IFRD1: variants seen among roughly 807,000 people sequenced by gnomAD.
The protein encoded by IFRD1 is interferon related developmental regulator 1, also known as interferon-related developmental regulator 1.
A neutral mutation model predicts 52.9 loss-of-function variants in IFRD1; 35 were observed. The ratio of observed to expected loss-of-function variants is 0.66; its 90% CI spans 0.51 to 0.88. The LOEUF (loss-of-function observed/expected upper bound fraction) is 0.88. IFRD1 is among the 40% of genes least tolerant of loss of function. The probability of loss-of-function intolerance (pLI) is 0.00; values close to 1 mark genes in which losing one functional copy is unlikely to be tolerated. For missense variants in IFRD1, 517 were observed against 550.8 expected (o/e 0.94, Z 0.61); for synonymous variants, 184 against 188.4 (o/e 0.98, Z 0.19).
intron 1 of IFRD1, among the ~76,000 whole-genome samples, chr7:112,425,846 TC>T (rs1194530043): frequency 6.6e-6 from 1 of 152,246 alleles, no homozygotes; most frequent in Non-Finnish European, 1.5e-5. Flanking sequence ...TTTAGTTCTT[TC>T]TTGTCATCAT....
intron 9 of IFRD1, among the ~76,000 whole-genome samples, chr7:112,471,795 C>T (rs1466227896): frequency 6.6e-6 from 1 of 151,704 alleles, no homozygotes; most frequent in Non-Finnish European, 1.5e-5. Context: ...ACCCTATTTA[C>T]CCTCACTTCC....
At chr7:112,437,066 A>C (rs1469429234) in intron 1 of IFRD1, 2 of 153,766 alleles carry the variant, frequency 1.3e-5, no homozygotes, top group Non-Finnish European at 2.9e-5. Flanking sequence ...TCCTCTCACC[A>C]CAGCCTCCCA....
In IFRD1 at chr7:112,450,534, C is replaced by A; in HGVS notation, c.-155C>A. ...TCTTCACGGGGATTTCTGCTGCCGCCACCGCCCACTCTTACCCCCGCCGCT... is the reference window on the plus strand; with the variant it reads ...TCTTCACGGGGATTTCTGCTGCCGCAACCGCCCACTCTTACCCCCGCCGCT... On this transcript the variant is annotated 5_prime_UTR_variant, in exon 1 of 12. Transcript: ENST00000403825. 1.5e-6 allele frequency: 1 copy of A among 664,508 alleles called. No individual in the cohort carries two copies. The highest frequency in any genetic ancestry group is 2.8e-6 in the Non-Finnish European group (1 of 358,404). 41.2% of individuals were successfully genotyped at this position (664,508 alleles called of 1,614,324 possible).
chr7:112,450,900 G>A (rs1795143597), intron 1 of IFRD1, 118 bp downstream of exon 1: 2 of 768,442 alleles, frequency 2.6e-6, no homozygotes, highest in Non-Finnish European at 4.5e-6. Flanking sequence ...CATTTCCAGG[G>A]TGCGTGGTTT....
rs943294765 is a variant in IFRD1 at position 112,426,646 on chromosome 7, G to A, written c.-182+3214G>A. Among the ~76,000 whole-genome samples the A allele has an allele frequency of 1.1e-4, 17 of 152,100 alleles. 1 individual carries two copies. The highest frequency in any genetic ancestry group is 8.3e-4 in the South Asian group (4 of 4,812). ...AAGTTAACCTAAAAAATTAATTCAG[G>A]CCATGATGGGAAGTGGGATCCACAC... is the stretch of plus-strand genomic sequence containing the variant. On this transcript the variant is annotated intron_variant, in intron 1 of 12. Coordinates refer to the IFRD1 transcript ENST00000005558.
chr7:112,435,970 C>T (rs931312090), intron 1 of IFRD1, among the ~76,000 whole-genome samples: 9 of 151,606 alleles, frequency 5.9e-5, no homozygotes, highest in African/African-American at 1.5e-4. Context: ...GCAACCTCTG[C>T]CTCCTGGGTT....
rs1795879633 is a variant in IFRD1 at position 112,475,527 on chromosome 7, G to C, written c.*8G>C. ...GTTGGAGAATTCTTCTAGATTTTCA[G>C]AACTTGAAGACTATTTTCTAATTTC... is the stretch of plus-strand genomic sequence containing the variant. On this transcript the variant is annotated 3_prime_UTR_variant, in exon 12 of 12. Coordinates refer to ENST00000403825, the MANE Select transcript of IFRD1 (RefSeq NM_001550.4). The C allele has an allele frequency of 6.7e-7, 1 of 1,503,046 alleles. No homozygotes were observed. The highest frequency in any genetic ancestry group is 9.3e-7 in the Non-Finnish European group (1 of 1,080,846). The allele number at this position is 1,503,046 out of a possible 1,614,324, so 93.1% of individuals were successfully genotyped here.
intron 1 of IFRD1, among the ~76,000 whole-genome samples, chr7:112,443,810 C>T (rs139619150): frequency 0.013 from 1,860 of 148,244 alleles, 37 homozygotes; most frequent in African/African-American, 0.044. Flanking sequence ...TGCAGTGAAC[C>T]GAGATCGCAC....
rs1171744621 is a variant in IFRD1, at chr7:112,476,298, CA to C, written c.*782del. 6.6e-6 allele frequency: 1 copy of C among 152,166 alleles called. No homozygotes were observed. Among genetic ancestry groups the C allele is most frequent in the Non-Finnish European group, 1.5e-5 (1 of 68,034 alleles). 9.4% of individuals were successfully genotyped at this position (152,166 alleles called of 1,614,324 possible). A position where few individuals can be genotyped will look rare whatever the true frequency, so the allele number is the denominator to read the frequency against. On this transcript the variant is annotated 3_prime_UTR_variant, in exon 12 of 12. Transcript: ENST00000403825. ...AGACAAAGCTTTATGTGTATATTTA[CA>C]AACATTAAAGTAGATGAAAAGAATG...
chr7:112,452,030 T>G (rs1345305602), intron 1 of IFRD1: 5 of 981,056 alleles, frequency 5.1e-6, no homozygotes, highest in Non-Finnish European at 6.1e-6. Flanking sequence ...AAACAGCAAT[T>G]TTTTACATTT....
chr7:112,462,477 G>A, intron 8 of IFRD1, 99 bp downstream of exon 8: 2 of 807,668 alleles, frequency 2.5e-6, no homozygotes, highest in Non-Finnish European at 2.1e-6. Flanking sequence ...TTGGAACATG[G>A]CCAGCTTGAG....
At chr7:112,450,314 T>G (rs1795118798), upstream of IFRD1, 19 of 232,618 alleles carry the variant, frequency 8.2e-5, no homozygotes, top group East Asian at 1.4e-4. Flanking sequence ...CCGCATGGGA[T>G]TTGTAGGTAG....
chr7:112,448,361 G>A (rs1289036290), upstream of IFRD1, among the ~76,000 whole-genome samples: 2 of 152,218 alleles, frequency 1.3e-5, no homozygotes, highest in African/African-American at 2.4e-5. Flanking sequence ...CAAAGCACAC[G>A]TTTCCAGGGC....
chr7:112,432,628 T>C (rs1007625245), intron 1 of IFRD1, among the ~76,000 whole-genome samples: 4 of 152,128 alleles, frequency 2.6e-5, no homozygotes, highest in Non-Finnish European at 4.4e-5. Context: ...AGAGATTAAA[T>C]AACTTACCCA....
chr7:112,476,603 G>GCGA lies in IFRD1; in HGVS notation c.*1084_*1085insCGA, dbSNP rs1795909497. 1 of 152,114 alleles carries GCGA rather than the reference G, an allele frequency of 6.6e-6. No homozygotes were observed. The highest frequency in any genetic ancestry group is 2.4e-5 in the African/African-American group (1 of 41,408). 9.4% of individuals were successfully genotyped at this position (152,114 alleles called of 1,614,324 possible). A position where few individuals can be genotyped will look rare whatever the true frequency, so the allele number is the denominator to read the frequency against. On this transcript the variant is annotated 3_prime_UTR_variant, in exon 12 of 12. Transcript: ENST00000403825. The stretch of plus-strand genomic sequence containing the variant: ...CAGGAGGTCAAAGCTGCAGTGAGCC[G>GCGA]TGATTGTGCCACTCCAGCCTGGGTG...
At position 112,429,737 on chromosome 7, in the gene IFRD1, T is replaced by C. The variant is rs186583816; in HGVS notation, c.-182+6305T>C. On this transcript the variant is annotated intron_variant, in intron 1 of 12. Transcript: ENST00000005558. ...CAATTTCAATAAACAAGGCATATTC[T>C]TTTTTCTTTCGGGATAAGGCAGGCC... Among the ~76,000 whole-genome samples the C allele has an allele frequency of 1.1e-3, 160 of 152,342 alleles. 5 individuals carry two copies. In the South Asian group the frequency reaches 0.017, roughly 16 times the overall value.
At chr7:112,471,036 A>C (rs1426581301) in intron 9 of IFRD1, among the ~76,000 whole-genome samples, 1 of 152,198 alleles carries the variant, frequency 6.6e-6, no homozygotes, top group African/African-American at 2.4e-5. Context: ...GATAATAGGT[A>C]AGGATGCTGA....
chr7:112,451,047 G>C (rs1795149632), intron 1 of IFRD1: 1 of 494,448 alleles, frequency 2.0e-6, no homozygotes, highest in African/African-American at 2.0e-5. Flanking sequence ...AGTGTGTCGG[G>C]ACAGGGGCTG....
At chr7:112,445,070 T>C (rs1794986907) in intron 1 of IFRD1, among the ~76,000 whole-genome samples, 2 of 147,014 alleles carry the variant, frequency 1.4e-5, no homozygotes, top group African/African-American at 2.6e-5. Context: ...TTCTTTTTTT[T>C]TTTTTTTTTT....
Sources: gnomAD v4.1 joint callset for allele counts (sites outside exome capture counted in the v4.1 genomes callset) on GRCh38, gnomAD v4.1.1 for gene constraint, MANE v1.5 for transcripts, NCBI Gene and HGNC (gene_info 2026-07-23, HGNC 2026-07-21) for gene names.